The following SHC3 variants were observed in gnomAD, a reference collection of about 807,000 sequenced individuals.
SHC3 encodes the protein SHC-transforming protein 3.
In SHC3, 15 loss-of-function variants were observed where a neutral mutation model predicts 60.4. The observed-to-expected ratio is 0.25, with a 90% CI of 0.17 to 0.38. The LOEUF (loss-of-function observed/expected upper bound fraction) is 0.38. Ranked by LOEUF, SHC3 falls within the 10% of genes least tolerant of loss-of-function variation. SHC3 has a pLI of 1.00. For synonymous variants in SHC3, 294 were observed against 325.9 expected (o/e 0.90, Z 1.05); for missense variants, 677 against 786.1 (o/e 0.86, Z 1.66).
At chr9:89,107,654 T>C (rs888019173) in intron 2 of SHC3, among the ~76,000 whole-genome samples, 14 of 152,176 alleles carry the variant, frequency 9.2e-5, no homozygotes, top group Non-Finnish European at 1.6e-4. Flanking sequence ...AATAAGCACA[T>C]TTAGTAAGAG....
Position 89,011,158 on chromosome 9 carries a change from A to AGT in SHC3, c.*2288_*2289insAC, listed in dbSNP as rs1160473535. Reference sequence around the variant, plus strand: ...CTGAGCTTAAAAATGTATATTTTGAATTAATATTAAAAAGAAAAAATTCGA... The same window carrying AGT: ...CTGAGCTTAAAAATGTATATTTTGAAGTTTAATATTAAAAAGAAAAAATTCGA... On this transcript the variant is annotated 3_prime_UTR_variant, in exon 12 of 12. Transcript: ENST00000375835. 2.2e-4 allele frequency: 33 copies of AGT among 152,250 alleles called. 1 individual carries two copies. Among genetic ancestry groups the AGT allele is most frequent in the Admixed American group, 2.2e-3 (33 of 15,284 alleles). 9.4% of individuals were successfully genotyped at this position (152,250 alleles called of 1,614,324 possible). A position where few individuals can be genotyped will look rare whatever the true frequency, so the allele number is the denominator to read the frequency against.
At chr9:89,084,513 T>C (rs531228291) in intron 2 of SHC3, among the ~76,000 whole-genome samples, 25 of 152,332 alleles carry the variant, frequency 1.6e-4, no homozygotes, top group Middle Eastern at 6.8e-3. Flanking sequence ...TTGAGGCTAA[T>C]TTTCCTTTCA....
At chr9:89,110,947 G>T (rs552134332) in intron 2 of SHC3, among the ~76,000 whole-genome samples, 9 of 152,218 alleles carry the variant, frequency 5.9e-5, no homozygotes, top group African/African-American at 2.2e-4. Flanking sequence ...CCCAGGAGTT[G>T]TATCCTCATC....
At chr9:89,076,901 G>A (rs541793092) in intron 3 of SHC3, among the ~76,000 whole-genome samples, 243 of 152,194 alleles carry the variant, frequency 1.6e-3, no homozygotes, top group Middle Eastern at 6.8e-3. Flanking sequence ...CAATAGGGCC[G>A]GGCATGGTGG....
intron 1 of SHC3, among the ~76,000 whole-genome samples, chr9:89,168,025 T>G (rs1454728136): frequency 6.6e-6 from 1 of 152,208 alleles, no homozygotes; most frequent in Non-Finnish European, 1.5e-5. Context: ...ACCACAGCCA[T>G]GGGCCCTTGC....
At position 89,037,973 on chromosome 9, in the gene SHC3, C is replaced by T. The variant is rs1824610289; in HGVS notation, c.1656+20G>A. ...CTGCACCCACTGGCAGGTCCGGCCC[C>T]ACCCCCACTGGGTGCTCACCGTGCC... On this transcript the variant is annotated intron_variant, in intron 11 of 11. Transcript: ENST00000375835. 6.2e-7 allele frequency: 1 copy of T among 1,601,944 alleles called. No individual in the cohort carries two copies. Among genetic ancestry groups the T allele is most frequent in the South Asian group, 1.1e-5 (1 of 90,910 alleles).
intron 1 of SHC3, among the ~76,000 whole-genome samples, chr9:89,176,961 A>G (rs182683576): frequency 1.3e-5 from 2 of 152,366 alleles, no homozygotes; most frequent in Admixed American, 6.5e-5. Flanking sequence ...CGGAACAGAC[A>G]TCCTGGGGGT....
At chr9:89,025,642 C>G (rs1826282688) in intron 11 of SHC3, among the ~76,000 whole-genome samples, 1 of 152,162 alleles carries the variant, frequency 6.6e-6, no homozygotes, top group Non-Finnish European at 1.5e-5. Flanking sequence ...CTTTGGAATT[C>G]AGGCACAACT....
chr9:89,124,476 G>A (rs992343493), intron 1 of SHC3, among the ~76,000 whole-genome samples: 5 of 152,162 alleles, frequency 3.3e-5, no homozygotes, highest in African/African-American at 1.2e-4. Flanking sequence ...AAGAAAAGTG[G>A]CACATATACA....
At chr9:89,091,707 T>G (rs1825623782) in intron 2 of SHC3, among the ~76,000 whole-genome samples, 1 of 152,194 alleles carries the variant, frequency 6.6e-6, no homozygotes, top group Non-Finnish European at 1.5e-5. Flanking sequence ...TTCTAGAACT[T>G]TTTCATCTTC....
At chr9:89,159,721 G>A (rs1826676923) in intron 1 of SHC3, among the ~76,000 whole-genome samples, 1 of 152,242 alleles carries the variant, frequency 6.6e-6, no homozygotes. Flanking sequence ...TCGTGGGCAG[G>A]AAGCATCCAG....
chr9:89,172,003 G>A (rs745998490), intron 1 of SHC3, among the ~76,000 whole-genome samples: 2 of 152,192 alleles, frequency 1.3e-5, no homozygotes, highest in African/African-American at 4.8e-5. Flanking sequence ...GAAGATGCTC[G>A]CCAGCCAAGA....
At chr9:89,089,461 G>A (rs1825585398) in intron 2 of SHC3, among the ~76,000 whole-genome samples, 1 of 152,138 alleles carries the variant, frequency 6.6e-6, no homozygotes, top group Admixed American at 6.5e-5. Context: ...CCAGCTTTTT[G>A]AGAACCAGCT....
rs143905347 is a variant in SHC3, at chr9:89,161,278, C to T, written c.474+16709G>A. On this transcript the variant is annotated intron_variant, in intron 1 of 11. Transcript: ENST00000375835. Reference sequence around the variant, plus strand: ...GTTCTGGCGATAGCAAGTGAATTCTCGTGAGATCTGGTCATTTAAAAGTGT... The same window carrying T: ...GTTCTGGCGATAGCAAGTGAATTCTTGTGAGATCTGGTCATTTAAAAGTGT... Among the ~76,000 whole-genome samples the T allele has an allele frequency of 2.4e-3, 366 of 152,282 alleles. 7 individuals carry two copies. Among genetic ancestry groups the T allele is most frequent in the Non-Finnish European group, 4.7e-4 (32 of 68,022 alleles).
intron 11 of SHC3, among the ~76,000 whole-genome samples, chr9:89,014,115 C>T (rs1193175463): frequency 1.3e-5 from 2 of 152,202 alleles, no homozygotes; most frequent in African/African-American, 2.4e-5. Context: ...CTCACAGTTC[C>T]CCAGAGGAGC....
intron 6 of SHC3, among the ~76,000 whole-genome samples, chr9:89,055,050 C>G (rs1824926265): frequency 6.6e-6 from 1 of 152,262 alleles, no homozygotes; most frequent in African/African-American, 2.4e-5. Context: ...GAAAGCAAAC[C>G]ACTCCCTTAG....
In SHC3 at chr9:89,035,859, G is replaced by GA. The variant is rs1564089027; in HGVS notation, c.1656+2133_1656+2134insT. Among the ~76,000 whole-genome samples the GA allele has an allele frequency of 6.4e-3, 680 of 106,164 alleles. 5 individuals carry two copies. Among genetic ancestry groups the GA allele is most frequent in the African/African-American group, 0.014 (359 of 25,178 alleles). The allele number at this position is 106,164 out of a possible 152,430, so 69.6% of individuals were successfully genotyped here. A position where few individuals can be genotyped will look rare whatever the true frequency, so the allele number is the denominator to read the frequency against. On this transcript the variant is annotated intron_variant, in intron 11 of 11. Coordinates refer to ENST00000375835, the MANE Select transcript of SHC3 (RefSeq NM_016848.6). ...TATATATATATATATAGATGTGTGTGTGTGTGTGTGTGTGTGTGTGTGTGT... is the reference window on the plus strand; with the variant it reads ...TATATATATATATATAGATGTGTGTGATGTGTGTGTGTGTGTGTGTGTGTGT...
At chr9:89,153,883 T>A (rs998068732) in intron 1 of SHC3, among the ~76,000 whole-genome samples, 3 of 152,328 alleles carry the variant, frequency 2.0e-5, no homozygotes, top group African/African-American at 7.2e-5. Flanking sequence ...ACTGCGGACC[T>A]TCAGTGAGCC....
At chr9:89,041,634 T>C (rs1277855098) in intron 10 of SHC3, among the ~76,000 whole-genome samples, 1 of 152,242 alleles carries the variant, frequency 6.6e-6, no homozygotes, top group African/African-American at 2.4e-5. Flanking sequence ...GTCTGCTTCA[T>C]AGACCTAGAG....
Sources: allele counts gnomAD v4.1 joint callset (sites outside exome capture counted in the v4.1 genomes callset), GRCh38; gene constraint gnomAD v4.1.1; transcripts MANE v1.5; gene names NCBI Gene and HGNC (gene_info 2026-07-23, HGNC 2026-07-21).